COL6A6: variants seen among roughly 807,000 people sequenced by gnomAD.
COL6A6 encodes collagen type VI alpha 6 chain.
In COL6A6, 183 loss-of-function variants were observed where a neutral mutation model predicts 208.6. The observed-to-expected ratio is 0.88, with a 90% CI of 0.78 to 0.99. The LOEUF (loss-of-function observed/expected upper bound fraction) is 0.99, where lower values mean the gene tolerates loss of function less well. COL6A6 is among the 50% of genes least tolerant of loss of function. COL6A6 has a pLI of 0.00. For synonymous variants in COL6A6, 973 were observed against 1,011.8 expected (o/e 0.96, Z 0.73); for missense variants, 2,816 against 2,815.2 (o/e 1.00, Z -0.01).
chr3:130,613,199 A>G (rs1576330871), intron 23 of COL6A6, among the ~76,000 whole-genome samples: 1 of 152,210 alleles, frequency 6.6e-6, no homozygotes, highest in Non-Finnish European at 1.5e-5. Context: ...TATATGGTAT[A>G]AGGAAGGGGC....
chr3:130,624,827 A>G (rs72996250), intron 24 of COL6A6, among the ~76,000 whole-genome samples: 1,526 of 152,228 alleles, frequency 0.01, 11 homozygotes, highest in African/African-American at 0.021. Flanking sequence ...TGGGCACTCT[A>G]GACTCATGAT....
rs2063765439 is a variant in COL6A6 at position 130,593,230 on chromosome 3, A to G, written c.4448A>G (p.Glu1483Gly). 1.2e-6 allele frequency: 2 copies of G among 1,612,528 alleles called. No homozygotes were observed. Among genetic ancestry groups the G allele is most frequent in the Non-Finnish European group, 1.7e-6 (2 of 1,178,634 alleles). Reference protein sequence around the residue: ...GDNGLPGRKGEKGDEGSQGSP... With the variant: ...GDNGLPGRKGGKGDEGSQGSP... ...AATGGTCTTCCTGGAAGAAAAGGAGAAAAGGGAGATGAGGGATCTCAGGTA... is the reference window on the plus strand; with the variant it reads ...AATGGTCTTCCTGGAAGAAAAGGAGGAAAGGGAGATGAGGGATCTCAGGTA... The change falls in exon 17 of 37, where the codon GAA becomes GGA. Residue 1483 changes from glutamate (E) to glycine (G), a missense_variant. Physicochemically the swap from Glu to Gly is moderately conservative, Grantham distance 98. Coordinates refer to ENST00000358511, the MANE Select transcript of COL6A6 (RefSeq NM_001102608.3).
chr3:130,607,348 A>G (rs2064214879), intron 21 of COL6A6, among the ~76,000 whole-genome samples: 1 of 152,232 alleles, frequency 6.6e-6, no homozygotes, highest in Non-Finnish European at 1.5e-5. Context: ...TCTTGTACAA[A>G]TTGGATATTC....
At chr3:130,570,280 C>CA (rs1259132432) in intron 6 of COL6A6, among the ~76,000 whole-genome samples, 6 of 152,018 alleles carry the variant, frequency 3.9e-5, no homozygotes, top group Non-Finnish European at 8.8e-5. Flanking sequence ...ATAGATGTTT[C>CA]AAAAAAGTCA....
At chr3:130,633,886 A>G (rs1268332548) in intron 26 of COL6A6, among the ~76,000 whole-genome samples, 1 of 35,730 alleles carries the variant, frequency 2.8e-5, no homozygotes, top group Non-Finnish European at 3.9e-5. Context: ...GGAATATCAC[A>G]CTCTGGGGAC....
chr3:130,648,983 T>C lies in COL6A6; in HGVS notation c.5240-86T>C. On this transcript the variant is annotated intron_variant, in intron 32 of 36. Coordinates refer to ENST00000358511, the MANE Select transcript of COL6A6 (RefSeq NM_001102608.3). ...TTATTCTCTTTAAGTATTTGAATGC[T>C]TAACATTTAAAATTACTTTGCCTTC... 7 of 1,140,516 alleles carry C rather than the reference T, an allele frequency of 6.1e-6. No homozygotes were observed. The South Asian group carries it at 1.2e-4, about 20-fold the overall frequency. The allele number at this position is 1,140,516 out of a possible 1,614,324, so 70.6% of individuals were successfully genotyped here.
chr3:130,606,147 C>T (rs968417015), intron 20 of COL6A6, among the ~76,000 whole-genome samples: 6 of 152,120 alleles, frequency 3.9e-5, no homozygotes, highest in East Asian at 3.9e-4. Flanking sequence ...AAGACAATTC[C>T]GATTTTATTG....
At chr3:130,594,942 C>T (rs2063812138) in intron 18 of COL6A6, among the ~76,000 whole-genome samples, 2 of 152,160 alleles carry the variant, frequency 1.3e-5, no homozygotes, top group Non-Finnish European at 1.5e-5. Context: ...GGGGAAACCA[C>T]CCCCATGATT....
Position 130,675,363 on chromosome 3 carries a change from GGAT to G in COL6A6, c.6762_6764del (p.Met2254del). 5.0e-6 allele frequency: 8 copies of G among 1,594,066 alleles called. No individual in the cohort carries two copies. Among genetic ancestry groups the G allele is most frequent in the Non-Finnish European group, 5.1e-6 (6 of 1,170,614 alleles). Reference sequence around the variant, plus strand: ...ACCTCCCATACCTTTAAGAATGGAAGGATGATAGAAAGTGCTCCCAAACAACAT... The same window carrying G: ...ACCTCCCATACCTTTAAGAATGGAAGGATAGAAAGTGCTCCCAAACAACAT... On this transcript the variant is annotated inframe_deletion, in exon 37 of 37. Transcript: ENST00000358511.
chr3:130,642,194 AT>A (rs2065331931), intron 29 of COL6A6, among the ~76,000 whole-genome samples: 1 of 151,912 alleles, frequency 6.6e-6, no homozygotes, highest in South Asian at 2.1e-4. Context: ...AACACATAAG[AT>A]TAAAACCAGT....
chr3:130,547,445 C>A (rs1458279769), intron 1 of COL6A6, among the ~76,000 whole-genome samples: 1 of 152,232 alleles, frequency 6.6e-6, no homozygotes, highest in Non-Finnish European at 1.5e-5. Flanking sequence ...GTGCCTCTCC[C>A]TCCACACCTC....
intron 1 of COL6A6, among the ~76,000 whole-genome samples, chr3:130,552,581 G>A (rs1181247807): frequency 6.6e-6 from 1 of 152,128 alleles, no homozygotes; most frequent in African/African-American, 2.4e-5. Flanking sequence ...GTTGGATTAA[G>A]TTGGGTCTTA....
In COL6A6 at chr3:130,574,422, C is replaced by T. The variant is rs377209857; in HGVS notation, c.3444C>T (p.Ile1148=). ...TGGATGACCAGCAGCTCATTCAGAT[C>T]ACCGGGACTGCAGAGAAAAAACTGA... ...GDVDDQQLIQ[I]TGTAEKKLTV... Residue 1148 remains isoleucine, a synonymous_variant, in exon 8 of 37, where the codon ATC becomes ATT. Transcript: ENST00000358511. 47 of 1,613,914 alleles carry T rather than the reference C, an allele frequency of 2.9e-5. No homozygotes were observed. In the African/African-American group the frequency reaches 5.6e-4, roughly 19 times the overall value.
In COL6A6 at chr3:130,526,758, A is replaced by G. The variant is rs144248038; in HGVS notation, c.-32+9361A>G. Among the ~76,000 whole-genome samples, 399 of 152,254 alleles carry G rather than the reference A, an allele frequency of 2.6e-3. 9 individuals are homozygous for G. The highest frequency in any genetic ancestry group is 0.012 in the Admixed American group (178 of 15,298). The stretch of plus-strand genomic sequence containing the variant: ...CACAGTTGTAACTTTACACTTATTC[A>G]TGTAATTCTTTAATCAGCACCTTAT... On this transcript the variant is annotated intron_variant, in intron 1 of 36. Coordinates refer to ENST00000358511, the MANE Select transcript of COL6A6 (RefSeq NM_001102608.3).
intron 34 of COL6A6, among the ~76,000 whole-genome samples, chr3:130,659,857 G>A (rs775522772): frequency 2.0e-5 from 3 of 152,210 alleles, no homozygotes; most frequent in Non-Finnish European, 4.4e-5. Context: ...GGGAGAAGTA[G>A]GGTTTCTGGT....
intron 1 of COL6A6, among the ~76,000 whole-genome samples, chr3:130,549,710 G>A (rs980631014): frequency 1.3e-5 from 2 of 152,098 alleles, no homozygotes; most frequent in Admixed American, 6.5e-5. Flanking sequence ...TAGGTGTGCA[G>A]CCTTATGTCT....
intron 26 of COL6A6, among the ~76,000 whole-genome samples, chr3:130,628,262 C>A (rs2064949980): frequency 6.6e-6 from 1 of 152,166 alleles, no homozygotes; most frequent in Non-Finnish European, 1.5e-5. Flanking sequence ...CCCTTAACAT[C>A]TTACAAGAAG....
At position 130,641,635 on chromosome 3, in the gene COL6A6, A is replaced by G. The variant is rs1410164382; in HGVS notation, c.5092-17A>G. The G allele has an allele frequency of 6.8e-7, 1 of 1,481,016 alleles. No individual in the cohort carries two copies. The highest frequency in any genetic ancestry group is 9.3e-7 in the Non-Finnish European group (1 of 1,073,352). 91.7% of individuals were successfully genotyped at this position (1,481,016 alleles called of 1,614,324 possible). ...ATATATGTATAAATACAATTTTAAA[A>G]TAAATTCTCCTTTGAGATATCTGCT... On this transcript the variant is annotated splice_polypyrimidine_tract_variant and intron_variant, in intron 28 of 36. Transcript: ENST00000358511.
chr3:130,555,045 C>G (rs1313255947), intron 1 of COL6A6, among the ~76,000 whole-genome samples: 1 of 152,188 alleles, frequency 6.6e-6, no homozygotes, highest in Non-Finnish European at 1.5e-5. Flanking sequence ...TTGCCGTACT[C>G]TGTTCAGGTC....
Sources: allele counts gnomAD v4.1 joint callset (sites outside exome capture counted in the v4.1 genomes callset), GRCh38; gene constraint gnomAD v4.1.1; transcripts MANE v1.5; gene names NCBI Gene and HGNC (gene_info 2026-07-23, HGNC 2026-07-21).